ULK4: variants seen among roughly 807,000 people sequenced by gnomAD.
The protein encoded by ULK4 is unc-51 like kinase 4, also known as inactive serine/threonine-protein kinase ULK4.
A neutral mutation model predicts 160.6 loss-of-function variants in ULK4; 133 were observed. That is an observed-to-expected ratio of 0.83 (90% CI 0.72 to 0.96). The LOEUF is 0.96. Ranked by LOEUF, ULK4 falls within the 40% of genes least tolerant of loss-of-function variation. The pLI is 0.00. For synonymous variants in ULK4, 534 were observed against 539.8 expected (o/e 0.99, Z 0.15); for missense variants, 1,580 against 1,499.5 (o/e 1.05, Z -0.89).
chr3:41,446,839 G>GTA (rs1300294053), intron 34 of ULK4, among the ~76,000 whole-genome samples: 1 of 151,352 alleles, frequency 6.6e-6, no homozygotes, highest in East Asian at 1.9e-4. Flanking sequence ...TAACAAACCT[G>GTA]TACGTTGTGC....
chr3:41,764,028 C>T (rs1033275933), intron 21 of ULK4, among the ~76,000 whole-genome samples: 1 of 152,140 alleles, frequency 6.6e-6, no homozygotes, highest in African/African-American at 2.4e-5. Context: ...ATTTCTTATT[C>T]TAATCCATGA....
At position 41,954,662 on chromosome 3, in the gene ULK4, A is replaced by G; in HGVS notation, c.98T>C (p.Leu33Pro). Residue 33 changes from leucine (L) to proline (P), a missense_variant, in exon 2 of 37, where the codon CTT becomes CCT. Coordinates refer to ENST00000301831, the MANE Select transcript of ULK4 (RefSeq NM_017886.4). ...AGGCCTTTTGCACTTATCAGTACAA[A>G]GAATGGCTACAAAATTGATTGTTCC... ...RKGTINFVAI[L>P]CTDKCKRPEI... is the part of the protein sequence containing the mutation. The G allele has an allele frequency of 6.2e-7, 1 of 1,614,008 alleles. No individual in the cohort carries two copies. Among genetic ancestry groups the G allele is most frequent in the Non-Finnish European group, 8.5e-7 (1 of 1,179,924 alleles).
chr3:41,533,533 G>A (rs58519274), intron 32 of ULK4, among the ~76,000 whole-genome samples: 9,802 of 152,194 alleles, frequency 0.064, 938 homozygotes, highest in African/African-American at 0.21. Flanking sequence ...ATTGGACAGA[G>A]GTTGGCAAGC....
chr3:41,935,775 GA>G, intron 4 of ULK4, 25 bp downstream of exon 4: 1 of 1,590,024 alleles, frequency 6.3e-7, no homozygotes, highest in African/African-American at 1.4e-5. Flanking sequence ...GAAGCAGTTA[GA>G]AAATCAAAAA....
intron 35 of ULK4, among the ~76,000 whole-genome samples, chr3:41,321,853 C>A (rs961654120): frequency 6.9e-6 from 1 of 143,894 alleles, no homozygotes; most frequent in African/African-American, 2.7e-5. Context: ...GGCCACTGTG[C>A]ATGCGGACAG....
intron 35 of ULK4, among the ~76,000 whole-genome samples, chr3:41,373,140 G>A (rs556816521): frequency 2.0e-5 from 3 of 152,152 alleles, no homozygotes; most frequent in Admixed American, 6.5e-5. Context: ...TTCATAAAGC[G>A]AGTTATTAGA....
At chr3:41,930,378 TA>T (rs772657120) in intron 5 of ULK4, among the ~76,000 whole-genome samples, 48 of 152,144 alleles carry the variant, frequency 3.2e-4, no homozygotes, top group Non-Finnish European at 4.4e-5. Context: ...CTTAAAACCA[TA>T]AAAACTCTAG....
rs55704483 is a variant in ULK4 at position 41,318,262 on chromosome 3, T to C, written c.3679-68688A>G. ...GAGAGTTAAGAAGATTTTTTTTTAA[T>C]TAGAGTCTCAAAAAAATTCAATTTG... is the stretch of plus-strand genomic sequence containing the variant. On this transcript the variant is annotated intron_variant, in intron 35 of 36. Coordinates refer to ENST00000301831, the MANE Select transcript of ULK4 (RefSeq NM_017886.4). Among the ~76,000 whole-genome samples, 817 of 152,326 alleles carry C rather than the reference T, an allele frequency of 5.4e-3. 13 individuals carry two copies. Among genetic ancestry groups the C allele is most frequent in the African/African-American group, 0.019 (780 of 41,588 alleles).
intron 35 of ULK4, among the ~76,000 whole-genome samples, chr3:41,347,250 C>T (rs902673276): frequency 1.3e-5 from 2 of 152,202 alleles, no homozygotes; most frequent in African/African-American, 4.8e-5. Context: ...GCTAACTAGA[C>T]TTGTCATGTG....
chr3:41,375,908 T>C (rs974321656), intron 35 of ULK4, among the ~76,000 whole-genome samples: 1 of 149,720 alleles, frequency 6.7e-6, no homozygotes, highest in Non-Finnish European at 1.5e-5. Flanking sequence ...ATATCCAGAA[T>C]CTACAAGGAA....
chr3:41,895,679 A>T, intron 15 of ULK4, 115 bp from the exon 16 acceptor site: 2 of 465,514 alleles, frequency 4.3e-6, no homozygotes, highest in African/African-American at 2.0e-5. Flanking sequence ...GGAAATTTAC[A>T]CTGTACACCA....
At chr3:41,863,958 T>C (rs2042562594) in intron 17 of ULK4, among the ~76,000 whole-genome samples, 1 of 151,966 alleles carries the variant, frequency 6.6e-6, no homozygotes, top group South Asian at 2.1e-4. Context: ...AGCTGGCATC[T>C]CAGTATGTCA....
At chr3:41,936,441 T>C (rs1409933793) in intron 3 of ULK4, among the ~76,000 whole-genome samples, 1 of 152,166 alleles carries the variant, frequency 6.6e-6, no homozygotes, top group Non-Finnish European at 1.5e-5. Context: ...TGCTATATTC[T>C]TCCAAGGTCC....
At chr3:41,914,315 T>C (rs891961830) in intron 8 of ULK4, among the ~76,000 whole-genome samples, 1 of 20,726 alleles carries the variant, frequency 4.8e-5, no homozygotes, top group African/African-American at 5.4e-5. Context: ...TAATATTCCT[T>C]TACACAAAGG....
intron 22 of ULK4, among the ~76,000 whole-genome samples, chr3:41,749,621 T>A (rs1440722653): frequency 1.3e-5 from 2 of 152,218 alleles, no homozygotes; most frequent in African/African-American, 4.8e-5. Context: ...ATTTTTGACA[T>A]GATATTTTCA....
chr3:41,895,392 T>C (rs1414868106), intron 16 of ULK4, 126 bp downstream of exon 16: 1 of 461,474 alleles, frequency 2.2e-6, no homozygotes, highest in African/African-American at 2.0e-5. Context: ...TGCCTATGAG[T>C]AGAGTCATCA....
intron 35 of ULK4, among the ~76,000 whole-genome samples, chr3:41,368,710 ATCAGTACT>A (rs2081301754): frequency 6.6e-6 from 1 of 152,244 alleles, no homozygotes; most frequent in Non-Finnish European, 1.5e-5. Flanking sequence ...TGTAGCATGT[ATCAGTACT>A]TCATTCCTTT....
intron 20 of ULK4, among the ~76,000 whole-genome samples, chr3:41,790,583 G>A (rs968555368): frequency 5.9e-5 from 9 of 152,158 alleles, no homozygotes; most frequent in Non-Finnish European, 1.0e-4. Context: ...AGGGTAGATG[G>A]GAAATAGGTG....
At chr3:41,416,717 A>C (rs773821275) in intron 34 of ULK4, among the ~76,000 whole-genome samples, 2 of 152,204 alleles carry the variant, frequency 1.3e-5, no homozygotes, top group African/African-American at 2.4e-5. Context: ...CCTGTGGGAA[A>C]GACAGAGCTG....
Sources: allele counts gnomAD v4.1 joint callset (sites outside exome capture counted in the v4.1 genomes callset), GRCh38; gene constraint gnomAD v4.1.1; transcripts MANE v1.5; gene names NCBI Gene and HGNC (gene_info 2026-07-23, HGNC 2026-07-21).